Variants in DYNC2I2 observed in about 807,000 individuals in gnomAD.
The protein encoded by DYNC2I2 is cytoplasmic dynein 2 intermediate chain 2.
DYNC2I2 carries 39 observed loss-of-function variants against 52.0 expected under a neutral mutation model. That is an observed-to-expected ratio of 0.75 (90% CI 0.58 to 0.98). DYNC2I2 has a LOEUF of 0.98. Ranked by LOEUF, DYNC2I2 falls within the 50% of genes least tolerant of loss-of-function variation. The pLI is 0.00. For synonymous variants in DYNC2I2, 359 were observed against 321.1 expected, an observed-to-expected ratio of 1.12 and a Z score of -1.26; for missense variants, 743 against 728.4, an observed-to-expected ratio of 1.02 and a Z score of -0.23.
intron 1 of DYNC2I2, among the ~76,000 whole-genome samples, chr9:128,645,384 T>C (rs1242563588): frequency 6.6e-6 from 1 of 150,698 alleles, no homozygotes; most frequent in South Asian, 2.1e-4. Flanking sequence ...TAACCCCAGC[T>C]ACTCAGGAGG....
At chr9:128,637,643 A>AT (rs997125959) in intron 2 of DYNC2I2, among the ~76,000 whole-genome samples, 134 of 152,228 alleles carry the variant, frequency 8.8e-4, no homozygotes, top group African/African-American at 3.1e-3. Context: ...GGGTTTCACC[A>AT]TGTTGCCCAG....
intron 3 of DYNC2I2, 77 bp from the exon 4 acceptor site, chr9:128,636,515 GC>G: frequency 2.7e-6 from 4 of 1,493,058 alleles, no homozygotes; most frequent in Non-Finnish European, 3.6e-6. Flanking sequence ...CTCCCCACTA[GC>G]CCCGGACACA....
the DYNC2I2 span, among the ~76,000 whole-genome samples, chr9:128,672,884 C>T: frequency 1.3e-5 from 2 of 152,084 alleles, no homozygotes; most frequent in East Asian, 1.9e-4. Flanking sequence ...ACTGGTGGGG[C>T]GTGGTAGCGG....
chr9:128,681,619 C>A, the DYNC2I2 span, among the ~76,000 whole-genome samples: 1 of 152,202 alleles, frequency 6.6e-6, no homozygotes, highest in Non-Finnish European at 1.5e-5. Flanking sequence ...AGCATGAACA[C>A]ATTCAGCTTG....
chr9:128,655,772 G>A lies in DYNC2I2; in HGVS notation c.186+769C>T, dbSNP rs191010577. Among the ~76,000 whole-genome samples the A allele has an allele frequency of 2.7e-3, 408 of 151,360 alleles. 9 individuals are homozygous for A. In the East Asian group the frequency reaches 0.04, roughly 15 times the overall value. On this transcript the variant is annotated intron_variant, in intron 1 of 8. Coordinates refer to ENST00000372715, the MANE Select transcript of DYNC2I2 (RefSeq NM_052844.4). ...AAAAATACAAAAAAATTAGCCAGGC[G>A]TGCTGGCGGCCGCCTGTAGTCCCAG...
chr9:128,671,376 A>C, the DYNC2I2 span, among the ~76,000 whole-genome samples: 2 of 144,774 alleles, frequency 1.4e-5, no homozygotes, highest in African/African-American at 5.2e-5. Context: ...ATTTCAGTTC[A>C]CTGCAAACTC....
upstream of DYNC2I2, among the ~76,000 whole-genome samples, chr9:128,657,536 C>G (rs1295430881): frequency 6.6e-6 from 1 of 152,078 alleles, no homozygotes; most frequent in Non-Finnish European, 1.5e-5. Flanking sequence ...GGTGCGGTGG[C>G]TCACACCTGT....
chr9:128,652,618 C>T (rs1860738744), intron 1 of DYNC2I2, among the ~76,000 whole-genome samples: 1 of 44,384 alleles, frequency 2.3e-5, no homozygotes, highest in African/African-American at 9.6e-5. Context: ...AATGAAATTC[C>T]GTCTCAAAAA....
chr9:128,677,805 T>C, the DYNC2I2 span, among the ~76,000 whole-genome samples: 2 of 151,950 alleles, frequency 1.3e-5, no homozygotes, highest in Non-Finnish European at 2.9e-5. Flanking sequence ...GGAAACTCCA[T>C]CTGAAAAACA....
At chr9:128,671,871 T>G in the DYNC2I2 span, among the ~76,000 whole-genome samples, 1 of 151,674 alleles carries the variant, frequency 6.6e-6, no homozygotes, top group Admixed American at 6.6e-5. Flanking sequence ...GCCAGGATGG[T>G]CTCGATCTCC....
chr9:128,668,173 A>G, the DYNC2I2 span, among the ~76,000 whole-genome samples: 2 of 151,654 alleles, frequency 1.3e-5, no homozygotes, highest in Non-Finnish European at 2.9e-5. Flanking sequence ...GTTGGCCAGG[A>G]TGGTCTTGAT....
Position 128,639,689 on chromosome 9 carries a change from G to A in DYNC2I2, c.435+1002C>T, listed in dbSNP as rs146315648. On this transcript the variant is annotated intron_variant, in intron 2 of 8. Coordinates refer to ENST00000372715, the MANE Select transcript of DYNC2I2 (RefSeq NM_052844.4). The stretch of plus-strand genomic sequence containing the variant: ...TTGTTTTTTTGTCTTTTTTTGAGAT[G>A]GAGTCTTGCTCTGTCACCCAGGCAG... Among the ~76,000 whole-genome samples, 1,085 of 151,860 alleles carry A rather than the reference G, an allele frequency of 7.1e-3. 18 individuals are homozygous for A. Among genetic ancestry groups the A allele is most frequent in the African/African-American group, 0.025 (1,028 of 41,422 alleles).
At chr9:128,636,083 G>T in intron 4 of DYNC2I2, 198 bp downstream of exon 4, 1 of 901,334 alleles carries the variant, frequency 1.1e-6, no homozygotes, top group Non-Finnish European at 1.8e-6. Flanking sequence ...CCCGACCCTG[G>T]CCCCCTTCCA....
chr9:128,656,844 C>A lies in DYNC2I2; in HGVS notation c.-118G>T. On this transcript the variant is annotated 5_prime_UTR_variant, in exon 1 of 9. Coordinates refer to ENST00000372715, the MANE Select transcript of DYNC2I2 (RefSeq NM_052844.4). The stretch of plus-strand genomic sequence containing the variant: ...GGCGCCATGTTTGAATTGGTCGCAG[C>A]GCCTCCTGCAAGACCTGGAAGAAAG... 9.6e-7 allele frequency: 1 copy of A among 1,045,512 alleles called. No homozygotes were observed. The highest frequency in any genetic ancestry group is 1.3e-6 in the Non-Finnish European group (1 of 789,076). The allele number at this position is 1,045,512 out of a possible 1,614,324, so 64.8% of individuals were successfully genotyped here.
the DYNC2I2 span, among the ~76,000 whole-genome samples, chr9:128,668,232 T>C: frequency 6.6e-6 from 1 of 150,816 alleles, no homozygotes; most frequent in Non-Finnish European, 1.5e-5. Context: ...GTGCTGGGAT[T>C]ACAGGCGTGA....
intron 2 of DYNC2I2, 27 bp downstream of exon 2, chr9:128,640,664 C>G: frequency 6.2e-7 from 1 of 1,603,624 alleles, no homozygotes; most frequent in Non-Finnish European, 8.5e-7. Flanking sequence ...GGGGCTCGAC[C>G]CGAGGCTGCA....
chr9:128,670,418 T>C, the DYNC2I2 span, among the ~76,000 whole-genome samples: 149,500 of 151,796 alleles, frequency 0.98, 73,650 homozygotes, highest in East Asian at 1. Flanking sequence ...CCAGCCTGGG[T>C]GACAAGAGTG....
At chr9:128,681,489 A>G in the DYNC2I2 span, among the ~76,000 whole-genome samples, 1 of 152,138 alleles carries the variant, frequency 6.6e-6, no homozygotes, top group African/African-American at 2.4e-5. Context: ...CAGTTTGTCT[A>G]TTATGAATCT....
chr9:128,633,996 C>CAGAT lies in DYNC2I2; in HGVS notation c.1373-18_1373-15dup. Reference sequence around the variant, plus strand: ...GCTGCACGTCACCTGCAAAGAGAGACAGATACGTGGAGTAAGAGAAACTCT... The same window carrying CAGAT: ...GCTGCACGTCACCTGCAAAGAGAGACAGATAGATACGTGGAGTAAGAGAAACTCT... On this transcript the variant is annotated splice_polypyrimidine_tract_variant and intron_variant, in intron 8 of 8. Coordinates refer to ENST00000372715, the MANE Select transcript of DYNC2I2 (RefSeq NM_052844.4). 1 of 1,612,684 alleles carries CAGAT rather than the reference C, an allele frequency of 6.2e-7. No individual in the cohort carries two copies. Among genetic ancestry groups the CAGAT allele is most frequent in the Non-Finnish European group, 8.5e-7 (1 of 1,179,786 alleles).
Sources: gnomAD v4.1 joint callset for allele counts (sites outside exome capture counted in the v4.1 genomes callset) on GRCh38, gnomAD v4.1.1 for gene constraint, MANE v1.5 for transcripts, NCBI Gene and HGNC (gene_info 2026-07-23, HGNC 2026-07-21) for gene names.